CGGBP1: variants seen among roughly 807,000 people sequenced by gnomAD.
The protein encoded by CGGBP1 is CGG triplet repeat binding protein 1.
Under a neutral mutation model 11.4 loss-of-function variants are expected in CGGBP1, and 4 were observed. The observed-to-expected ratio is 0.35, with a 90% CI of 0.17 to 0.80. CGGBP1 has a LOEUF of 0.80. Among genes scored for constraint, CGGBP1 ranks in the 30% least tolerant of loss-of-function variants. The pLI, the probability that CGGBP1 is intolerant of heterozygous loss-of-function variation, is 0.52. For synonymous variants in CGGBP1, 76 were observed against 74.1 expected (o/e 1.03, Z -0.13); for missense variants, 135 against 202.1 (o/e 0.67, Z 2.01).
upstream of CGGBP1, among the ~76,000 whole-genome samples, chr3:88,062,932 A>G (rs1706970497): frequency 1.3e-5 from 2 of 152,228 alleles, no homozygotes; most frequent in South Asian, 2.1e-4. Flanking sequence ...TAGGTAGCTT[A>G]TAATTTGTGT....
At chr3:88,083,555 C>A (rs1371304679) in intron 2 of CGGBP1, among the ~76,000 whole-genome samples, 2 of 152,086 alleles carry the variant, frequency 1.3e-5, no homozygotes, top group Non-Finnish European at 2.9e-5. Context: ...CATCAGTGTT[C>A]CTATAATTTC....
upstream of CGGBP1, among the ~76,000 whole-genome samples, chr3:88,060,876 C>G (rs1443879821): frequency 2.6e-5 from 4 of 152,028 alleles, no homozygotes; most frequent in Non-Finnish European, 5.9e-5. Context: ...TGACATTTTT[C>G]AGGTAAGTTT....
At chr3:88,132,582 T>C (rs1197884471) in intron 2 of CGGBP1, among the ~76,000 whole-genome samples, 1 of 152,200 alleles carries the variant, frequency 6.6e-6, no homozygotes, top group East Asian at 1.9e-4. Context: ...TGGAGCTTCA[T>C]AACACTATCC....
At chr3:88,101,060 C>G (rs1704392655) in intron 2 of CGGBP1, among the ~76,000 whole-genome samples, 2 of 152,156 alleles carry the variant, frequency 1.3e-5, no homozygotes, top group Admixed American at 6.6e-5. Context: ...TATTGTCAAT[C>G]TTGTTTCAGC....
chr3:88,140,524 A>G (rs1176437052), intron 2 of CGGBP1: 33 of 1,613,658 alleles, frequency 2.0e-5, no homozygotes, highest in Non-Finnish European at 2.2e-5. Flanking sequence ...ACTGTTTCAA[A>G]TATAAGCTTG....
intron 2 of CGGBP1, chr3:88,138,909 C>T (rs1033677311): frequency 5.7e-6 from 7 of 1,234,796 alleles, no homozygotes; most frequent in Non-Finnish European, 7.1e-6. Context: ...TGTTGAAGAG[C>T]TTTACAAACG....
intron 2 of CGGBP1, chr3:88,129,142 C>T (rs1171455905): frequency 3.1e-6 from 2 of 640,184 alleles, no homozygotes; most frequent in Non-Finnish European, 5.1e-6. Context: ...ATTACATTAT[C>T]TGGATGTGTT....
chr3:88,133,328 C>T lies in CGGBP1; in HGVS notation c.-229+7642G>A, dbSNP rs147632507. On this transcript the variant is annotated intron_variant, in intron 2 of 3. Coordinates refer to the CGGBP1 transcript ENST00000462901. ...TTGAGATTTAGGTCTCTCTTATTTC[C>T]AATTCCATGTTCTTGCCACTGCATC... Among the ~76,000 whole-genome samples, 400 of 152,224 alleles carry T rather than the reference C, an allele frequency of 2.6e-3. 1 individual carries two copies. The highest frequency in any genetic ancestry group is 9.4e-3 in the African/African-American group (389 of 41,546).
chr3:88,097,813 T>G (rs115019733), intron 2 of CGGBP1, among the ~76,000 whole-genome samples: 11,959 of 152,076 alleles, frequency 0.079, 528 homozygotes, highest in Non-Finnish European at 0.1. Flanking sequence ...TAACAGAATA[T>G]CTGCGACACA....
intron 2 of CGGBP1, among the ~76,000 whole-genome samples, chr3:88,118,756 A>G (rs555771215): frequency 6.6e-6 from 1 of 152,334 alleles, no homozygotes; most frequent in African/African-American, 2.4e-5. Flanking sequence ...CTGTGCTACC[A>G]TATTTTCTGC....
rs1028569601 is a variant in CGGBP1 at position 88,053,433 on chromosome 3, A to C, written c.*2040T>G. The C allele has an allele frequency of 1.3e-5, 2 of 152,010 alleles. No individual in the cohort carries two copies. The highest frequency in any genetic ancestry group is 2.9e-5 in the Non-Finnish European group (2 of 67,964). The allele number at this position is 152,010 out of a possible 1,614,324, so 9.4% of individuals were successfully genotyped here. A position where few individuals can be genotyped will look rare whatever the true frequency, so the allele number is the denominator to read the frequency against. On this transcript the variant is annotated 3_prime_UTR_variant, in exon 4 of 4. Coordinates refer to ENST00000482016, the MANE Select transcript of CGGBP1 (RefSeq NM_001008390.2). ...ATTAGGAGTCTGAAAAAATACATTA[A>C]GATATATAAAATTTAAGTGATTATC...
intron 2 of CGGBP1, among the ~76,000 whole-genome samples, chr3:88,083,541 C>T (rs1397032770): frequency 6.6e-6 from 1 of 152,168 alleles, no homozygotes; most frequent in African/African-American, 2.4e-5. Context: ...GCTATTGCTT[C>T]TGTCATCAGT....
At chr3:88,149,781 C>A (rs1333140623) in exon 1 of CGGBP1, 3 of 315,826 alleles carry the variant, frequency 9.5e-6, no homozygotes, top group Non-Finnish European at 1.2e-5. Flanking sequence ...AGCTCCCTTG[C>A]GGATAGTCTA....
chr3:88,059,428 A>G (rs924469750), upstream of CGGBP1: 104 of 1,524,332 alleles, frequency 6.8e-5, no homozygotes, highest in Non-Finnish European at 8.8e-5. Flanking sequence ...GGGCGACGGC[A>G]GAGGCGGCGC....
intron 2 of CGGBP1, among the ~76,000 whole-genome samples, chr3:88,106,195 CTG>C (rs1704727235): frequency 6.6e-6 from 1 of 152,174 alleles, no homozygotes; most frequent in South Asian, 2.1e-4. Context: ...TGAAGCCCAT[CTG>C]TGTTTGATTT....
chr3:88,087,159 A>G (rs1196826821), intron 2 of CGGBP1, among the ~76,000 whole-genome samples: 6 of 151,902 alleles, frequency 3.9e-5, no homozygotes, highest in East Asian at 1.9e-4. Context: ...GTTCACCGCA[A>G]CCTCTACCTC....
chr3:88,149,468 G>A (rs1355060828), intron 1 of CGGBP1, among the ~76,000 whole-genome samples: 2 of 152,256 alleles, frequency 1.3e-5, no homozygotes, highest in Non-Finnish European at 2.9e-5. Context: ...AGGCGGCCAG[G>A]CACAGTGGAT....
At chr3:88,099,539 C>G (rs1234288281) in intron 2 of CGGBP1, among the ~76,000 whole-genome samples, 2 of 126,876 alleles carry the variant, frequency 1.6e-5, no homozygotes, top group African/African-American at 5.5e-5. Flanking sequence ...AGCCAAAGAA[C>G]AAAGCTGGAG....
chr3:88,077,693 T>A (rs1420835770), intron 2 of CGGBP1, among the ~76,000 whole-genome samples: 2 of 151,392 alleles, frequency 1.3e-5, no homozygotes, highest in African/African-American at 4.9e-5. Flanking sequence ...CTGTAATACT[T>A]ACTATTTTTA....
Sources: gnomAD v4.1 joint callset for allele counts (sites outside exome capture counted in the v4.1 genomes callset) on GRCh38, gnomAD v4.1.1 for gene constraint, MANE v1.5 for transcripts, NCBI Gene and HGNC (gene_info 2026-07-23, HGNC 2026-07-21) for gene names.